The following DCUN1D3 variants were observed in gnomAD, a reference collection of about 807,000 sequenced individuals.
DCUN1D3 encodes DCN1-like protein 3.
A neutral mutation model predicts 24.8 loss-of-function variants in DCUN1D3; 6 were observed. The ratio of observed to expected loss-of-function variants is 0.24; its 90% CI spans 0.13 to 0.48. The LOEUF is 0.48. DCUN1D3 is among the 20% of genes least tolerant of loss of function. The pLI is 0.99. For missense variants in DCUN1D3, 258 were observed against 379.4 expected, an observed-to-expected ratio of 0.68 and a Z score of 2.66; for synonymous variants, 120 against 144.9, an observed-to-expected ratio of 0.83 and a Z score of 1.24.
At chr16:20,870,463 A>G (rs1596632004) in intron 1 of DCUN1D3, among the ~76,000 whole-genome samples, 1 of 152,328 alleles carries the variant, frequency 6.6e-6, no homozygotes, top group East Asian at 1.9e-4. Flanking sequence ...AACAGACCCA[A>G]GTAAACTGCT....
At chr16:20,881,599 G>A (rs1047125580) in intron 1 of DCUN1D3, among the ~76,000 whole-genome samples, 12 of 151,800 alleles carry the variant, frequency 7.9e-5, no homozygotes, top group African/African-American at 2.4e-4. Flanking sequence ...CTGAAACAAC[G>A]TTAGGCATTT....
chr16:20,898,664 G>C (rs2152519777), intron 1 of DCUN1D3, among the ~76,000 whole-genome samples: 1 of 152,310 alleles, frequency 6.6e-6, no homozygotes, highest in Non-Finnish European at 1.5e-5. Flanking sequence ...GGACTTCCTA[G>C]CATCAGATCT....
intron 1 of DCUN1D3, among the ~76,000 whole-genome samples, chr16:20,873,160 A>G (rs1195260895): frequency 6.6e-6 from 1 of 151,902 alleles, no homozygotes; most frequent in Admixed American, 6.6e-5. Context: ...CCAATGATCC[A>G]GTGATTCTGG....
At position 20,859,675 on chromosome 16, in the gene DCUN1D3, C is replaced by G; in HGVS notation, c.*211G>C. On this transcript the variant is annotated 3_prime_UTR_variant, in exon 3 of 3. Transcript: ENST00000324344. ...ACCAGGTTCAAATATTCTGGGAGAT[C>G]CCCCCAAAAAGGAAATAACCAAAAT... is the stretch of plus-strand genomic sequence containing the variant. 1.9e-6 allele frequency: 1 copy of G among 528,338 alleles called. No individual in the cohort carries two copies. 32.7% of individuals were successfully genotyped at this position (528,338 alleles called of 1,614,324 possible). A position where few individuals can be genotyped will look rare whatever the true frequency, so the allele number is the denominator to read the frequency against.
intron 1 of DCUN1D3, among the ~76,000 whole-genome samples, chr16:20,867,432 G>A (rs991108300): frequency 2.0e-5 from 3 of 152,180 alleles, no homozygotes; most frequent in East Asian, 1.9e-4. Context: ...CCCACCAGAC[G>A]TGGAAACGAG....
In DCUN1D3 at chr16:20,857,261, G is replaced by T. The variant is rs1238810249; in HGVS notation, c.*2625C>A. 4 of 152,130 alleles carry T rather than the reference G, an allele frequency of 2.6e-5. No homozygotes were observed. Among genetic ancestry groups the T allele is most frequent in the African/African-American group, 9.7e-5 (4 of 41,414 alleles). The allele number at this position is 152,130 out of a possible 1,614,324, so 9.4% of individuals were successfully genotyped here. ...TCCCTCCCTGACTGCTCCCTTTTCTGGCTTCTCATTTGCAAATGGATCAAT... is the reference window on the plus strand; with the variant it reads ...TCCCTCCCTGACTGCTCCCTTTTCTTGCTTCTCATTTGCAAATGGATCAAT... On this transcript the variant is annotated 3_prime_UTR_variant, in exon 3 of 3. Transcript: ENST00000324344.
In DCUN1D3 at chr16:20,859,011, C is replaced by T. The variant is rs1019730254; in HGVS notation, c.*875G>A. On this transcript the variant is annotated 3_prime_UTR_variant, in exon 3 of 3. Transcript: ENST00000324344. The stretch of plus-strand genomic sequence containing the variant: ...CACTTACAACATGAAAATACAGAAA[C>T]TTCATCAAAGAAAGAAAACTATCAA... 16 of 150,830 alleles carry T rather than the reference C, an allele frequency of 1.1e-4. No homozygotes were observed. Among genetic ancestry groups the T allele is most frequent in the Non-Finnish European group, 1.9e-4 (13 of 67,712 alleles). 9.3% of individuals were successfully genotyped at this position (150,830 alleles called of 1,614,324 possible). A position where few individuals can be genotyped will look rare whatever the true frequency, so the allele number is the denominator to read the frequency against.
intron 1 of DCUN1D3, among the ~76,000 whole-genome samples, chr16:20,872,201 C>A (rs2081791725): frequency 6.6e-6 from 1 of 152,190 alleles, no homozygotes; most frequent in Admixed American, 6.5e-5. Context: ...CTTCTGAGAA[C>A]TTGGGAGTCA....
intron 1 of DCUN1D3, among the ~76,000 whole-genome samples, chr16:20,891,946 T>C (rs2081894122): frequency 6.6e-6 from 1 of 152,126 alleles, no homozygotes; most frequent in African/African-American, 2.4e-5. Context: ...ACTGTTAGTA[T>C]TTTGCAGCCT....
chr16:20,899,876 G>C (rs1419663908), intron 1 of DCUN1D3: 2 of 152,364 alleles, frequency 1.3e-5, no homozygotes, highest in East Asian at 3.9e-4. Context: ...CCTCCCCCTA[G>C]GGCTCCTACC....
At chr16:20,872,931 C>T (rs147602707) in intron 1 of DCUN1D3, among the ~76,000 whole-genome samples, 8,653 of 152,214 alleles carry the variant, frequency 0.057, 254 homozygotes, top group Middle Eastern at 0.13. Flanking sequence ...GCCTGGCCAA[C>T]ATGGTGAAAC....
chr16:20,860,183 A>T lies in DCUN1D3; in HGVS notation c.618T>A (p.Ile206=), dbSNP rs1224697708. Reference sequence around the variant, plus strand: ...GGGTAAAGACTAGTTTCCACAGGGCAATGGCTATTTCCCGATGCAGTGACC... The same window carrying T: ...GGGTAAAGACTAGTTTCCACAGGGCTATGGCTATTTCCCGATGCAGTGACC... ...GQRSLHREIA[I]ALWKLVFTQN... The change falls in exon 3 of 3, where the codon ATT becomes ATA. Residue 206 remains isoleucine (I), a synonymous_variant. Transcript: ENST00000324344. The surrounding 1 kb of genome is among the most constrained non-coding windows in gnomAD (Gnocchi z 4.3). The T allele has an allele frequency of 1.2e-6, 2 of 1,614,236 alleles. No individual in the cohort carries two copies. Among genetic ancestry groups the T allele is most frequent in the Admixed American group, 3.3e-5 (2 of 60,034 alleles).
rs1445524583 is a variant in DCUN1D3, at chr16:20,872,727, G to T, written c.-105-10084C>A. ...TGTGAAGTTTAGAAAGTACAGAGAG[G>T]CATAAAGAAAAAAAAAGCCAATCAC... On this transcript the variant is annotated intron_variant, in intron 1 of 2. Coordinates refer to ENST00000324344, the MANE Select transcript of DCUN1D3 (RefSeq NM_173475.4). 2.8e-4 allele frequency among the ~76,000 whole-genome samples: 42 copies of T among 152,012 alleles called. 1 individual carries two copies. Among genetic ancestry groups the T allele is most frequent in the Admixed American group, 2.8e-3 (42 of 15,244 alleles).
intron 1 of DCUN1D3, among the ~76,000 whole-genome samples, chr16:20,879,123 T>C (rs2081830128): frequency 6.6e-6 from 1 of 152,146 alleles, no homozygotes; most frequent in South Asian, 2.1e-4. Flanking sequence ...ATTTTAGGCC[T>C]AAAATTGAAA....
chr16:20,863,339 G>A (rs2152516109), intron 1 of DCUN1D3, among the ~76,000 whole-genome samples: 1 of 152,298 alleles, frequency 6.6e-6, no homozygotes, highest in South Asian at 2.1e-4. Flanking sequence ...TTCTCCCCCA[G>A]GTCCTCAGCA....
chr16:20,863,761 T>C (rs1364985681), intron 1 of DCUN1D3, among the ~76,000 whole-genome samples: 1 of 151,814 alleles, frequency 6.6e-6, no homozygotes, highest in Non-Finnish European at 1.5e-5. Flanking sequence ...AAATCACTGG[T>C]ACAAAAACAG....
intron 1 of DCUN1D3, among the ~76,000 whole-genome samples, chr16:20,880,200 A>C (rs1179431091): frequency 6.6e-6 from 1 of 152,218 alleles, no homozygotes; most frequent in Non-Finnish European, 1.5e-5. Context: ...CCAAGCAAAT[A>C]GTCAAATATA....
chr16:20,896,578 C>CA (rs2081917026), intron 1 of DCUN1D3, among the ~76,000 whole-genome samples: 1 of 152,144 alleles, frequency 6.6e-6, no homozygotes, highest in African/African-American at 2.4e-5. Flanking sequence ...AAAGAGCCAC[C>CA]AGTCTCCAAA....
rs1047290378 is a variant in DCUN1D3 at position 20,856,077 on chromosome 16, T to C, written c.*3809A>G. ...TTTCTTCTACGCCTTAACCTTATAATTGCATAACTGAGTCTACACCTTTTG... is the reference window on the plus strand; with the variant it reads ...TTTCTTCTACGCCTTAACCTTATAACTGCATAACTGAGTCTACACCTTTTG... On this transcript the variant is annotated 3_prime_UTR_variant, in exon 3 of 3. Coordinates refer to ENST00000324344, the MANE Select transcript of DCUN1D3 (RefSeq NM_173475.4). 1 of 152,056 alleles carries C rather than the reference T, an allele frequency of 6.6e-6. No individual in the cohort carries two copies. Among genetic ancestry groups the C allele is most frequent in the South Asian group, 2.1e-4 (1 of 4,818 alleles). The allele number at this position is 152,056 out of a possible 1,614,324, so 9.4% of individuals were successfully genotyped here.
Sources: allele counts gnomAD v4.1 joint callset (sites outside exome capture counted in the v4.1 genomes callset), GRCh38; gene constraint gnomAD v4.1.1; non-coding constraint Gnocchi (gnomAD v3.1); transcripts MANE v1.5; gene names NCBI Gene and HGNC (gene_info 2026-07-23, HGNC 2026-07-21).